The following NDRG4 variants were observed in gnomAD, a reference collection of about 807,000 sequenced individuals.
The protein encoded by NDRG4 is NDRG family member 4.
NDRG4 carries 38 observed loss-of-function variants against 55.8 expected under a neutral mutation model. The observed-to-expected ratio is 0.68, with a 90% CI of 0.53 to 0.89. The LOEUF is 0.89. Among genes scored for constraint, NDRG4 ranks in the 40% least tolerant of loss-of-function variants. The pLI, the probability that NDRG4 is intolerant of heterozygous loss-of-function variation, is 0.00. For synonymous variants in NDRG4, 190 were observed against 182.7 expected, an observed-to-expected ratio of 1.04 and a Z score of -0.32; for missense variants, 455 against 468.6, an observed-to-expected ratio of 0.97 and a Z score of 0.27.
chr16:58,512,177 C>T lies in NDRG4; in HGVS notation c.*601C>T. 1 of 447,850 alleles carries T rather than the reference C, an allele frequency of 2.2e-6. No homozygotes were observed. Among genetic ancestry groups the T allele is most frequent in the South Asian group, 1.6e-5 (1 of 62,796 alleles). The allele number at this position is 447,850 out of a possible 1,614,324, so 27.7% of individuals were successfully genotyped here. On this transcript the variant is annotated 3_prime_UTR_variant, in exon 15 of 15. Transcript: ENST00000570248. ...CAGGGGCGTCAAGGGGTTTCTCTGCCCAAGGAAGACAGAACATGGAGAACC... is the reference window on the plus strand; with the variant it reads ...CAGGGGCGTCAAGGGGTTTCTCTGCTCAAGGAAGACAGAACATGGAGAACC...
chr16:58,468,275 G>A (rs1165974811), intron 1 of NDRG4, among the ~76,000 whole-genome samples: 1 of 152,186 alleles, frequency 6.6e-6, no homozygotes, highest in African/African-American at 2.4e-5. Flanking sequence ...GCGCCTCAGC[G>A]GGGTCTTGCT....
intron 1 of NDRG4, among the ~76,000 whole-genome samples, chr16:58,470,500 A>G (rs990907806): frequency 6.6e-6 from 1 of 152,222 alleles, no homozygotes; most frequent in African/African-American, 2.4e-5. Flanking sequence ...GAACCTGTAA[A>G]TGTTACCTGA....
chr16:58,503,204 G>GT (rs2037387831), intron 1 of NDRG4, among the ~76,000 whole-genome samples: 1 of 152,182 alleles, frequency 6.6e-6, no homozygotes, highest in Non-Finnish European at 1.5e-5. Context: ...TGGGGAGGGG[G>GT]GTCTGACCCG....
In NDRG4 at chr16:58,511,629, C is replaced by T. The variant is rs776335312; in HGVS notation, c.*53C>T. On this transcript the variant is annotated 3_prime_UTR_variant, in exon 15 of 15. Transcript: ENST00000570248. ...CGTCGAGGCCCCACCGCCATCCTTGCGCCGGCTCATGTTCCCTTTAGTTTA... is the reference window on the plus strand; with the variant it reads ...CGTCGAGGCCCCACCGCCATCCTTGTGCCGGCTCATGTTCCCTTTAGTTTA... The T allele has an allele frequency of 9.3e-6, 15 of 1,607,886 alleles. No homozygotes were observed. Among genetic ancestry groups the T allele is most frequent in the East Asian group, 8.9e-5 (4 of 44,848 alleles).
chr16:58,501,193 C>CGGA (rs1456428538), intron 1 of NDRG4: 1 of 592,538 alleles, frequency 1.7e-6, no homozygotes, highest in Non-Finnish European at 2.5e-6. Context: ...CCCGCACGCA[C>CGGA]GGAGGTGACG....
At chr16:58,480,183 C>T (rs547316839) in intron 1 of NDRG4, among the ~76,000 whole-genome samples, 3 of 152,286 alleles carry the variant, frequency 2.0e-5, no homozygotes, top group Non-Finnish European at 2.9e-5. Context: ...TACAGTGGCA[C>T]GATCTAGGCT....
rs529331355 is a variant in NDRG4, at chr16:58,506,196, TAAATAA to T, written c.373-189_373-184del. 2,207 of 663,558 alleles carry T rather than the reference TAAATAA, an allele frequency of 3.3e-3. 11 individuals carry two copies. Among genetic ancestry groups the T allele is most frequent in the Non-Finnish European group, 4.7e-3 (1,725 of 364,476 alleles). The allele number at this position is 663,558 out of a possible 1,614,324, so 41.1% of individuals were successfully genotyped here. On this transcript the variant is annotated intron_variant, in intron 5 of 14. Coordinates refer to ENST00000570248, the MANE Select transcript of NDRG4 (RefSeq NM_001242835.2). The stretch of plus-strand genomic sequence containing the variant: ...GGGGTGGAAACAATGATAGAGATTC[TAAATAA>T]ATCCAAGAACTGTGAAGGGTTCAGT...
At chr16:58,476,823 T>A (rs2033713382) in intron 1 of NDRG4, among the ~76,000 whole-genome samples, 1 of 152,168 alleles carries the variant, frequency 6.6e-6, no homozygotes, top group Non-Finnish European at 1.5e-5. Flanking sequence ...TTTTTAAAAA[T>A]TTACAAAAGT....
intron 1 of NDRG4, among the ~76,000 whole-genome samples, chr16:58,466,829 C>A (rs188530616): frequency 2.6e-5 from 4 of 152,324 alleles, no homozygotes; most frequent in African/African-American, 9.6e-5. Context: ...CTGTTGGCCC[C>A]TGTCTCTAAG....
At chr16:58,477,176 A>ATG (rs1336526800) in intron 1 of NDRG4, among the ~76,000 whole-genome samples, 1 of 151,068 alleles carries the variant, frequency 6.6e-6, no homozygotes, top group Non-Finnish European at 1.5e-5. Context: ...ATATATATAT[A>ATG]TGTATGTGTG....
chr16:58,478,198 G>A (rs1399552874), intron 1 of NDRG4, among the ~76,000 whole-genome samples: 2 of 152,106 alleles, frequency 1.3e-5, no homozygotes, highest in African/African-American at 4.8e-5. Context: ...AGACCAGCCT[G>A]GCCAACACGG....
intron 1 of NDRG4, among the ~76,000 whole-genome samples, chr16:58,485,315 G>T (rs992394742): frequency 3.9e-5 from 6 of 152,124 alleles, no homozygotes; most frequent in Non-Finnish European, 8.8e-5. Flanking sequence ...GACATTCCCG[G>T]TTCTCTGGAT....
In NDRG4 at chr16:58,507,032, C is replaced by T; in HGVS notation, c.620+17C>T. On this transcript the variant is annotated intron_variant, in intron 8 of 14. Coordinates refer to ENST00000570248, the MANE Select transcript of NDRG4 (RefSeq NM_001242835.2). The stretch of plus-strand genomic sequence containing the variant: ...GTACAACAGGTGCGGGTGGGATCAG[C>T]AGCCCTGGGACCCAGCACACCCCAG... The T allele has an allele frequency of 6.2e-7, 1 of 1,602,360 alleles. No homozygotes were observed. Among genetic ancestry groups the T allele is most frequent in the Admixed American group, 1.7e-5 (1 of 59,104 alleles).
At chr16:58,469,558 GT>G (rs2032366949) in intron 1 of NDRG4, among the ~76,000 whole-genome samples, 2 of 152,042 alleles carry the variant, frequency 1.3e-5, no homozygotes, top group Admixed American at 1.3e-4. Context: ...TCCCTTCATT[GT>G]TTATAGAAGC....
intron 1 of NDRG4, among the ~76,000 whole-genome samples, chr16:58,472,805 C>T (rs1437160936): frequency 6.6e-6 from 1 of 152,114 alleles, no homozygotes; most frequent in East Asian, 1.9e-4. Context: ...CTCCTGAAAA[C>T]CCCATTGCTG....
At chr16:58,476,225 T>G (rs1242024243) in intron 1 of NDRG4, among the ~76,000 whole-genome samples, 4 of 152,238 alleles carry the variant, frequency 2.6e-5, no homozygotes, top group Non-Finnish European at 1.5e-5. Flanking sequence ...ATATGGGGAT[T>G]ATTATTAAGG....
intron 1 of NDRG4, among the ~76,000 whole-genome samples, chr16:58,478,733 A>G (rs1373237608): frequency 2.3e-5 from 3 of 128,540 alleles, no homozygotes; most frequent in Non-Finnish European, 3.4e-5. Context: ...AAGCCTAAAT[A>G]TTTTTCAAAA....
intron 2 of NDRG4, among the ~76,000 whole-genome samples, chr16:58,489,173 G>A (rs1397013466): frequency 2.6e-5 from 4 of 151,960 alleles, no homozygotes; most frequent in South Asian, 2.1e-4. Context: ...GGTAGTGGGC[G>A]CCTGTAATCC....
At chr16:58,506,317 CT>C (rs2038006098) in intron 5 of NDRG4, 69 bp from the exon 6 acceptor site, 2 of 1,473,562 alleles carry the variant, frequency 1.4e-6, no homozygotes, top group Non-Finnish European at 1.9e-6. Flanking sequence ...ACCTTGAAGA[CT>C]TTACAGAGTG....
Sources: allele counts gnomAD v4.1 joint callset (sites outside exome capture counted in the v4.1 genomes callset), GRCh38; gene constraint gnomAD v4.1.1; transcripts MANE v1.5; gene names NCBI Gene and HGNC (gene_info 2026-07-23, HGNC 2026-07-21).